Variants in ELOVL5 observed in about 807,000 individuals in gnomAD.
The protein encoded by ELOVL5 is very long chain fatty acid elongase 5.
Under a neutral mutation model 38.6 loss-of-function variants are expected in ELOVL5, and 8 were observed. The ratio of observed to expected loss-of-function variants is 0.21; its 90% confidence interval spans 0.12 to 0.37. The LOEUF is 0.37. Among genes scored for constraint, ELOVL5 ranks in the 10% least tolerant of loss-of-function variants. The pLI, the probability that ELOVL5 is intolerant of heterozygous loss-of-function variation, is 1.00. For missense variants in ELOVL5, 280 were observed against 367.8 expected (o/e 0.76, Z 1.95); for synonymous variants, 127 against 133.7 (o/e 0.95, Z 0.34).
chr6:53,295,840 A>G, intron 1 of ELOVL5, 133 bp from the exon 2 acceptor site: 2 of 547,724 alleles, frequency 3.7e-6, no homozygotes, highest in African/African-American at 2.0e-5. Flanking sequence ...TTAGGTTAAA[A>G]GAATTTAATT....
At chr6:53,326,167 G>A (rs769303734) in intron 1 of ELOVL5, among the ~76,000 whole-genome samples, 6 of 152,128 alleles carry the variant, frequency 3.9e-5, no homozygotes, top group African/African-American at 9.7e-5. Context: ...TGAAGCCATC[G>A]TCTTGAGCAT....
At chr6:53,302,957 C>T (rs1767319824) in intron 1 of ELOVL5, among the ~76,000 whole-genome samples, 1 of 152,116 alleles carries the variant, frequency 6.6e-6, no homozygotes, top group Non-Finnish European at 1.5e-5. Context: ...AACCCATGTG[C>T]TGCAAGGAAT....
At chr6:53,330,252 G>A (rs1411509533) in intron 1 of ELOVL5, among the ~76,000 whole-genome samples, 2 of 151,970 alleles carry the variant, frequency 1.3e-5, no homozygotes, top group Non-Finnish European at 2.9e-5. Context: ...GCTCAACAAA[G>A]AAAAGGTATA....
chr6:53,286,733 C>T (rs900074248), intron 3 of ELOVL5, among the ~76,000 whole-genome samples: 1 of 152,038 alleles, frequency 6.6e-6, no homozygotes, highest in African/African-American at 2.4e-5. Context: ...ATCTATACGA[C>T]TCAAGATGAA....
chr6:53,288,974 G>A (rs1766674326), intron 3 of ELOVL5, among the ~76,000 whole-genome samples: 2 of 152,210 alleles, frequency 1.3e-5, no homozygotes, highest in South Asian at 2.1e-4. Context: ...GTTGAGGCGG[G>A]AGATCAGTTG....
chr6:53,304,183 T>A (rs745906534), intron 1 of ELOVL5, among the ~76,000 whole-genome samples: 1 of 152,176 alleles, frequency 6.6e-6, no homozygotes, highest in African/African-American at 2.4e-5. Context: ...ACACCTGTTA[T>A]TACAAAATAA....
At chr6:53,283,638 T>C (rs559902350) in intron 3 of ELOVL5, among the ~76,000 whole-genome samples, 4 of 151,900 alleles carry the variant, frequency 2.6e-5, no homozygotes, top group Admixed American at 1.3e-4. Context: ...AAAAACACAA[T>C]AGATGGATGA....
At chr6:53,345,658 T>C (rs1474517937) in intron 1 of ELOVL5, among the ~76,000 whole-genome samples, 1 of 152,252 alleles carries the variant, frequency 6.6e-6, no homozygotes, top group Non-Finnish European at 1.5e-5. Flanking sequence ...GAACAGATTT[T>C]AGACAGATTT....
chr6:53,308,024 A>C (rs4371844), intron 1 of ELOVL5, among the ~76,000 whole-genome samples: 18 of 152,362 alleles, frequency 1.2e-4, no homozygotes, highest in African/African-American at 3.8e-4. Context: ...TTTACATAAA[A>C]GATGGTGACA....
chr6:53,292,297 T>C (rs74737528), intron 2 of ELOVL5, among the ~76,000 whole-genome samples: 2,497 of 152,318 alleles, frequency 0.016, 74 homozygotes, highest in African/African-American at 0.056. Flanking sequence ...AGATTACACA[T>C]AGGGTGATAA....
intron 1 of ELOVL5, among the ~76,000 whole-genome samples, chr6:53,343,028 G>A (rs912716853): frequency 6.6e-6 from 1 of 152,158 alleles, no homozygotes; most frequent in Non-Finnish European, 1.5e-5. Context: ...TAACATTTAC[G>A]GGTTGAAACT....
At chr6:53,294,406 C>T in intron 2 of ELOVL5, 1 of 1,551,850 alleles carries the variant, frequency 6.4e-7, no homozygotes. Flanking sequence ...TTTCTTCTTC[C>T]TCTGAATGTG....
At chr6:53,305,928 T>A (rs1355719004) in intron 1 of ELOVL5, among the ~76,000 whole-genome samples, 1 of 151,784 alleles carries the variant, frequency 6.6e-6, no homozygotes, top group Non-Finnish European at 1.5e-5. Flanking sequence ...AGCACTGAGT[T>A]AACGAGACTC....
intron 1 of ELOVL5, among the ~76,000 whole-genome samples, chr6:53,297,253 A>G (rs1489593714): frequency 6.6e-6 from 1 of 152,222 alleles, no homozygotes; most frequent in East Asian, 1.9e-4. Flanking sequence ...GCACAAGGTC[A>G]CTTCTGCAAT....
intron 1 of ELOVL5, among the ~76,000 whole-genome samples, chr6:53,301,978 C>T (rs971483646): frequency 6.6e-6 from 1 of 152,152 alleles, no homozygotes; most frequent in East Asian, 1.9e-4. Context: ...AGCACACCTT[C>T]GTCTGACTCA....
intron 1 of ELOVL5, among the ~76,000 whole-genome samples, chr6:53,334,806 C>T (rs1470353076): frequency 6.6e-6 from 1 of 152,138 alleles, no homozygotes; most frequent in African/African-American, 2.4e-5. Context: ...GCCCCATAAC[C>T]TTACCAGGAA....
At chr6:53,335,728 A>C (rs1769034922) in intron 1 of ELOVL5, among the ~76,000 whole-genome samples, 1 of 152,190 alleles carries the variant, frequency 6.6e-6, no homozygotes, top group Non-Finnish European at 1.5e-5. Context: ...TTTTAGCTGC[A>C]CATGGCCACC....
chr6:53,286,810 G>A lies in ELOVL5; in HGVS notation c.246+4966C>T, dbSNP rs552619352. The stretch of plus-strand genomic sequence containing the variant: ...AGAGTTTAATTAGTATACCATTCAC[G>A]TATGGTTTTTAAAAACTATCTTAGA... On this transcript the variant is annotated intron_variant, in intron 3 of 7. Transcript: ENST00000304434. 3.3e-5 allele frequency among the ~76,000 whole-genome samples: 5 copies of A among 152,066 alleles called. No individual in the cohort carries two copies. The East Asian group carries it at 7.7e-4, about 23-fold the overall frequency.
intron 1 of ELOVL5, among the ~76,000 whole-genome samples, chr6:53,344,710 C>T (rs1268453717): frequency 6.6e-6 from 1 of 152,160 alleles, no homozygotes; most frequent in African/African-American, 2.4e-5. Flanking sequence ...AAGAGTTAGC[C>T]ATTATTATTA....
Sources: gnomAD v4.1 joint callset for allele counts (sites outside exome capture counted in the v4.1 genomes callset) on GRCh38, gnomAD v4.1.1 for gene constraint, MANE v1.5 for transcripts, NCBI Gene and HGNC (gene_info 2026-07-23, HGNC 2026-07-21) for gene names.